SATB2: variants seen among roughly 807,000 people sequenced by gnomAD.
The protein encoded by SATB2 is SATB homeobox 2.
SATB2 carries 1 observed loss-of-function variant against 73.4 expected under a neutral mutation model. The observed-to-expected ratio is 0.01, with a 90% CI of 0.00 to 0.06. SATB2 has a LOEUF of 0.06. Among genes scored for constraint, SATB2 ranks in the 10% least tolerant of loss-of-function variants. The pLI is 1.00. For synonymous variants in SATB2, 397 were observed against 367.0 expected (o/e 1.08, Z -0.93); for missense variants, 459 against 945.8 (o/e 0.49, Z 6.75).
At chr2:199,369,433 G>C (rs1356086908) in intron 5 of SATB2, among the ~76,000 whole-genome samples, 1 of 152,172 alleles carries the variant, frequency 6.6e-6, no homozygotes, top group Non-Finnish European at 1.5e-5. Flanking sequence ...GCACTGAAAA[G>C]TTAAAATTAT....
intron 3 of SATB2, among the ~76,000 whole-genome samples, chr2:199,391,061 C>T (rs1690117647): frequency 2.0e-5 from 3 of 152,144 alleles, no homozygotes; most frequent in Non-Finnish European, 4.4e-5. Flanking sequence ...CACTAAGAAA[C>T]TACAATACAC....
chr2:199,299,126 G>A (rs1316793248), intron 10 of SATB2, among the ~76,000 whole-genome samples: 1 of 152,154 alleles, frequency 6.6e-6, no homozygotes, highest in Non-Finnish European at 1.5e-5. Context: ...AGTCATTCTG[G>A]CTGGAGAGAA....
intron 3 of SATB2, among the ~76,000 whole-genome samples, chr2:199,386,763 CACA>C (rs1559022156): frequency 3.7e-5 from 5 of 134,342 alleles, no homozygotes; most frequent in South Asian, 2.5e-4. Flanking sequence ...CACACACACA[CACA>C]CCTTTGAGTT....
At chr2:199,353,022 T>C (rs1396859790) in intron 6 of SATB2, among the ~76,000 whole-genome samples, 1 of 150,484 alleles carries the variant, frequency 6.6e-6, no homozygotes, top group Non-Finnish European at 1.5e-5. Flanking sequence ...CTACCAAGAA[T>C]GAAAAAAGAA....
intron 7 of SATB2, among the ~76,000 whole-genome samples, chr2:199,340,434 T>C (rs992077599): frequency 2.0e-4 from 31 of 152,288 alleles, no homozygotes; most frequent in African/African-American, 7.0e-4. Flanking sequence ...AGGAGCAAGA[T>C]ACCAAATTAG....
At chr2:199,292,103 G>A (rs1438062885) in intron 10 of SATB2, among the ~76,000 whole-genome samples, 1 of 151,952 alleles carries the variant, frequency 6.6e-6, no homozygotes, top group Admixed American at 6.6e-5. Flanking sequence ...AGGGCAGAAA[G>A]AGAAAAGGCA....
chr2:199,441,147 A>G (rs1691805834), intron 2 of SATB2, among the ~76,000 whole-genome samples: 1 of 152,060 alleles, frequency 6.6e-6, no homozygotes, highest in African/African-American at 2.4e-5. Flanking sequence ...TTGCCCAGCC[A>G]TCATAATTAC....
At chr2:199,466,426 C>G (rs1692594176), upstream of SATB2, among the ~76,000 whole-genome samples, 1 of 152,188 alleles carries the variant, frequency 6.6e-6, no homozygotes, top group African/African-American at 2.4e-5. Context: ...CCAGTTGTTG[C>G]TATCTCTGAG....
chr2:199,355,730 C>T (rs1422315713), intron 6 of SATB2, among the ~76,000 whole-genome samples: 1 of 151,948 alleles, frequency 6.6e-6, no homozygotes, highest in South Asian at 2.1e-4. Context: ...TTAAAAGTAC[C>T]GTTTTAAAAC....
intron 2 of SATB2, among the ~76,000 whole-genome samples, chr2:199,452,172 C>A (rs1195812770): frequency 6.6e-6 from 1 of 152,024 alleles, no homozygotes; most frequent in Admixed American, 6.6e-5. Context: ...TGTTTAATGT[C>A]TCCTATCAGC....
chr2:199,419,761 T>C (rs992292239), intron 3 of SATB2, among the ~76,000 whole-genome samples: 15 of 152,222 alleles, frequency 9.9e-5, no homozygotes, highest in African/African-American at 3.6e-4. Context: ...ACATAATTTA[T>C]AATTCCTCAT....
intron 10 of SATB2, among the ~76,000 whole-genome samples, chr2:199,304,551 A>C (rs561858982): frequency 3.5e-4 from 53 of 152,202 alleles, no homozygotes; most frequent in Non-Finnish European, 6.3e-4. Flanking sequence ...GAGAGATATT[A>C]TCTCTTTATG....
intron 10 of SATB2, among the ~76,000 whole-genome samples, chr2:199,283,249 A>AT (rs58013191): frequency 0.08 from 10,919 of 136,664 alleles, 1,474 homozygotes; most frequent in African/African-American, 0.27. Context: ...ATGCCTAGCT[A>AT]TTTTTTTTTT....
intron 2 of SATB2, among the ~76,000 whole-genome samples, chr2:199,441,161 T>C (rs1691806342): frequency 6.6e-6 from 1 of 152,100 alleles, no homozygotes; most frequent in Non-Finnish European, 1.5e-5. Flanking sequence ...TAATTACTCT[T>C]AGGTACAAAC....
rs1692126118 is a variant in SATB2 at position 199,270,647 on chromosome 2, T to C, written c.*1564A>G. The C allele has an allele frequency of 6.6e-6, 1 of 152,342 alleles. No individual in the cohort carries two copies. The highest frequency in any genetic ancestry group is 2.1e-4 in the South Asian group (1 of 4,830). The allele number at this position is 152,342 out of a possible 1,614,324, so 9.4% of individuals were successfully genotyped here. ...AAGTAGAAGTGGAAAGTAATGCTTCTGGTGTTTCTCATAGGAAGCCGAAAG... is the reference window on the plus strand; with the variant it reads ...AAGTAGAAGTGGAAAGTAATGCTTCCGGTGTTTCTCATAGGAAGCCGAAAG... On this transcript the variant is annotated 3_prime_UTR_variant, in exon 11 of 11. Transcript: ENST00000417098.
chr2:199,292,925 G>A (rs764251157), intron 10 of SATB2, among the ~76,000 whole-genome samples: 7 of 152,280 alleles, frequency 4.6e-5, no homozygotes, highest in East Asian at 1.9e-4. Flanking sequence ...TTATGTTTCC[G>A]CAGTTGCAGT....
intron 3 of SATB2, among the ~76,000 whole-genome samples, chr2:199,409,331 C>T (rs1050848006): frequency 1.3e-5 from 2 of 151,892 alleles, no homozygotes; most frequent in African/African-American, 2.4e-5. Context: ...CCACCACGCC[C>T]GGCTAATTTT....
rs112689058 is a variant in SATB2 at position 199,386,694 on chromosome 2, AAGCGCG to A, written c.347-4880_347-4875del. Among the ~76,000 whole-genome samples the A allele has an allele frequency of 5.9e-3, 837 of 142,874 alleles. 10 individuals carry two copies. Among genetic ancestry groups the A allele is most frequent in the African/African-American group, 8.7e-3 (321 of 37,020 alleles). 93.7% of individuals were successfully genotyped at this position (142,874 alleles called of 152,430 possible). A position where few individuals can be genotyped will look rare whatever the true frequency, so the allele number is the denominator to read the frequency against. On this transcript the variant is annotated intron_variant, in intron 3 of 10. Coordinates refer to ENST00000417098, the MANE Select transcript of SATB2 (RefSeq NM_001172509.2). Reference sequence around the variant, plus strand: ...TAGGAAATATTTCATACACGTGCGCAAGCGCGCGCGCGCGCGCGCGCGCACACACAC... The same window carrying A: ...TAGGAAATATTTCATACACGTGCGCACGCGCGCGCGCGCGCGCACACACAC...
chr2:199,286,911 A>C (rs1043393456), intron 10 of SATB2, among the ~76,000 whole-genome samples: 1 of 152,222 alleles, frequency 6.6e-6, no homozygotes, highest in Non-Finnish European at 1.5e-5. Context: ...TTGCACCAGC[A>C]TACATGAAAG....
Sources: gnomAD v4.1 joint callset for allele counts (sites outside exome capture counted in the v4.1 genomes callset) on GRCh38, gnomAD v4.1.1 for gene constraint, MANE v1.5 for transcripts, NCBI Gene and HGNC (gene_info 2026-07-23, HGNC 2026-07-21) for gene names.